Variants in AK5 observed in about 807,000 individuals in gnomAD.
The protein encoded by AK5 is adenylate kinase isoenzyme 5.
A neutral mutation model predicts 69.5 loss-of-function variants in AK5; 27 were observed. The ratio of observed to expected loss-of-function variants is 0.39; its 90% CI spans 0.29 to 0.54. The LOEUF (loss-of-function observed/expected upper bound fraction) is 0.54. Among genes scored for constraint, AK5 ranks in the 20% least tolerant of loss-of-function variants. The probability of loss-of-function intolerance (pLI) is 0.71; values close to 1 mark genes in which losing one functional copy is unlikely to be tolerated. For missense variants in AK5, 531 were observed against 700.4 expected, an observed-to-expected ratio of 0.76 and a Z score of 2.73; for synonymous variants, 260 against 244.4, an observed-to-expected ratio of 1.06 and a Z score of -0.60.
At chr1:77,306,494 G>GTTTTTTTT (rs869202567) in intron 5 of AK5, among the ~76,000 whole-genome samples, 1 of 120,364 alleles carries the variant, frequency 8.3e-6, no homozygotes, top group Non-Finnish European at 1.7e-5. Flanking sequence ...GTTTTTTTTT[G>GTTTTTTTT]TTTTTTTTTT....
chr1:77,489,050 A>T (rs946526137), intron 10 of AK5, among the ~76,000 whole-genome samples: 1 of 152,192 alleles, frequency 6.6e-6, no homozygotes, highest in Admixed American at 6.5e-5. Flanking sequence ...CTTCAGATTT[A>T]TCCATTGTTT....
intron 8 of AK5, among the ~76,000 whole-genome samples, chr1:77,464,414 T>C (rs954555157): frequency 1.3e-5 from 2 of 152,218 alleles, no homozygotes; most frequent in African/African-American, 4.8e-5. Context: ...TACGATGTGA[T>C]GTGCACAGTT....
At chr1:77,423,534 G>A (rs1650993099) in intron 8 of AK5, among the ~76,000 whole-genome samples, 1 of 152,076 alleles carries the variant, frequency 6.6e-6, no homozygotes, top group South Asian at 2.1e-4. Context: ...TGTCAGAGAA[G>A]TGAGGTTACA....
intron 10 of AK5, among the ~76,000 whole-genome samples, chr1:77,495,313 T>C (rs1656246282): frequency 6.6e-6 from 1 of 152,270 alleles, no homozygotes; most frequent in South Asian, 2.1e-4. Context: ...GTAGGTGAAG[T>C]TGTGGGAATA....
chr1:77,500,841 T>TA (rs1360488504), intron 10 of AK5, among the ~76,000 whole-genome samples: 1 of 150,646 alleles, frequency 6.6e-6, no homozygotes, highest in Non-Finnish European at 1.5e-5. Context: ...ATCGTTGTGA[T>TA]AAGTACAGTG....
chr1:77,421,810 T>C (rs1266160086), intron 8 of AK5, among the ~76,000 whole-genome samples: 1 of 152,162 alleles, frequency 6.6e-6, no homozygotes, highest in Non-Finnish European at 1.5e-5. Context: ...CAGTCTATTA[T>C]TTAACTGTGA....
chr1:77,450,060 G>C (rs1653043282), intron 8 of AK5, among the ~76,000 whole-genome samples: 1 of 152,040 alleles, frequency 6.6e-6, no homozygotes, highest in Non-Finnish European at 1.5e-5. Flanking sequence ...AAATCTCTAG[G>C]GCAGGGGCAA....
rs1209276673 is a variant in AK5, at chr1:77,313,098, A to AT, written c.699+15154dup. On this transcript the variant is annotated intron_variant, in intron 5 of 13. Transcript: ENST00000354567. ...GATCTGGTTTTTCCACCATTTCTGT[A>AT]TTTATTTTCTGTTTTTGGTACAAGC... Among the ~76,000 whole-genome samples the AT allele has an allele frequency of 4.7e-4, 72 of 151,984 alleles. No homozygotes were observed. The Middle Eastern group carries it at 0.02, about 43-fold the overall frequency.
chr1:77,538,698 A>G (rs1435922273), intron 13 of AK5, among the ~76,000 whole-genome samples: 1 of 152,222 alleles, frequency 6.6e-6, no homozygotes, highest in Non-Finnish European at 1.5e-5. Flanking sequence ...TTCCACTTTT[A>G]AGATTTGTAA....
chr1:77,342,131 C>G (rs1473382060), intron 6 of AK5, among the ~76,000 whole-genome samples: 1 of 152,108 alleles, frequency 6.6e-6, no homozygotes, highest in Non-Finnish European at 1.5e-5. Context: ...AACTCCTGAC[C>G]TCATGATCTG....
At chr1:77,490,797 T>TA in intron 10 of AK5, among the ~76,000 whole-genome samples, 1 of 150,416 alleles carries the variant, frequency 6.6e-6, no homozygotes, top group South Asian at 2.1e-4. Context: ...TTTTTTTTTT[T>TA]AAATCTCTTG....
At chr1:77,415,335 T>A (rs1377627873) in intron 7 of AK5, among the ~76,000 whole-genome samples, 3 of 152,156 alleles carry the variant, frequency 2.0e-5, no homozygotes, top group East Asian at 3.8e-4. Context: ...TTAAATAAAA[T>A]AAGTAGGACA....
intron 2 of AK5, among the ~76,000 whole-genome samples, 176 bp downstream of exon 2, chr1:77,287,303 C>T (rs1658414431): frequency 1.3e-5 from 2 of 152,264 alleles, no homozygotes; most frequent in Middle Eastern, 3.4e-3. Context: ...AAAAGACAAA[C>T]AAAATTATCT....
At chr1:77,406,656 C>T (rs566152854) in intron 6 of AK5, among the ~76,000 whole-genome samples, 10 of 150,510 alleles carry the variant, frequency 6.6e-5, no homozygotes, top group African/African-American at 2.5e-4. Flanking sequence ...ATCCCAAGTT[C>T]AAATCTTAGC....
chr1:77,332,835 A>C (rs1396390846), intron 5 of AK5, among the ~76,000 whole-genome samples: 1 of 151,982 alleles, frequency 6.6e-6, no homozygotes, highest in Non-Finnish European at 1.5e-5. Context: ...AATTGTGTTG[A>C]AATATTCTGT....
At chr1:77,301,119 A>G (rs1334953055) in intron 5 of AK5, among the ~76,000 whole-genome samples, 1 of 152,196 alleles carries the variant, frequency 6.6e-6, no homozygotes. Context: ...TTTAGGATGA[A>G]GAAGTGTATT....
intron 10 of AK5, among the ~76,000 whole-genome samples, chr1:77,495,613 A>C (rs1262873426): frequency 6.6e-6 from 1 of 152,230 alleles, no homozygotes; most frequent in Non-Finnish European, 1.5e-5. Context: ...ACCGTAAAGA[A>C]ATAGCATAGG....
At chr1:77,441,630 C>T (rs1243678775) in intron 8 of AK5, among the ~76,000 whole-genome samples, 1 of 152,170 alleles carries the variant, frequency 6.6e-6, no homozygotes, top group African/African-American at 2.4e-5. Flanking sequence ...GCTGTAGTGG[C>T]AGTGTTTATT....
At chr1:77,444,134 G>T (rs1652515927) in intron 8 of AK5, among the ~76,000 whole-genome samples, 1 of 145,184 alleles carries the variant, frequency 6.9e-6, no homozygotes, top group African/African-American at 2.6e-5. Context: ...CCTGATCCTA[G>T]TAACTGCTAT....
Sources: gnomAD v4.1 joint callset for allele counts (sites outside exome capture counted in the v4.1 genomes callset) on GRCh38, gnomAD v4.1.1 for gene constraint, MANE v1.5 for transcripts, NCBI Gene and HGNC (gene_info 2026-07-23, HGNC 2026-07-21) for gene names.